The following NTRK3 variants were observed in gnomAD, a reference collection of about 807,000 sequenced individuals.
NTRK3 encodes neurotrophic receptor tyrosine kinase 3.
Under a neutral mutation model 91.7 loss-of-function variants are expected in NTRK3, and 24 were observed. The observed-to-expected ratio is 0.26, with a 90% CI of 0.19 to 0.37. NTRK3 has a LOEUF of 0.37. NTRK3 is among the 10% of genes least tolerant of loss of function. The pLI is 1.00. For missense variants in NTRK3, 880 were observed against 1,068.9 expected (o/e 0.82, Z 2.46); for synonymous variants, 483 against 404.0 (o/e 1.20, Z -2.34).
chr15:88,041,686 C>A (rs1183391448), intron 13 of NTRK3, among the ~76,000 whole-genome samples: 7 of 152,164 alleles, frequency 4.6e-5, no homozygotes, highest in Non-Finnish European at 1.0e-4. Context: ...AAATGCAGCA[C>A]CATTGTTTTA....
intron 3 of NTRK3, among the ~76,000 whole-genome samples, chr15:88,226,784 C>T (rs1447221489): frequency 6.6e-6 from 1 of 152,218 alleles, no homozygotes; most frequent in Admixed American, 6.5e-5. Flanking sequence ...TTGTAGAGAG[C>T]CCTTAGCATT....
At chr15:87,983,774 T>C (rs575497508) in intron 14 of NTRK3, among the ~76,000 whole-genome samples, 38 of 152,258 alleles carry the variant, frequency 2.5e-4, no homozygotes, top group African/African-American at 8.2e-4. Flanking sequence ...GTCAAGATAG[T>C]GATGGTAAGG....
intron 14 of NTRK3, among the ~76,000 whole-genome samples, chr15:87,961,311 G>A (rs1210239895): frequency 6.6e-6 from 1 of 152,200 alleles, no homozygotes; most frequent in Admixed American, 6.5e-5. Flanking sequence ...ATTAAGTTTA[G>A]AGACTATCAT....
chr15:88,108,848 A>C (rs2051000475), intron 13 of NTRK3, among the ~76,000 whole-genome samples: 1 of 152,198 alleles, frequency 6.6e-6, no homozygotes, highest in South Asian at 2.1e-4. Context: ...CCCCAGACCT[A>C]TCAAACCAGA....
chr15:87,957,358 G>A (rs1481396840), intron 14 of NTRK3, among the ~76,000 whole-genome samples: 1 of 150,044 alleles, frequency 6.7e-6, no homozygotes, highest in African/African-American at 2.5e-5. Flanking sequence ...GTCCCACAGC[G>A]GGAGCATCTA....
chr15:88,185,287 A>C (rs553747519), intron 3 of NTRK3, among the ~76,000 whole-genome samples: 85 of 152,308 alleles, frequency 5.6e-4, no homozygotes, highest in Non-Finnish European at 1.1e-3. Context: ...ACCCGTGCTA[A>C]CTCATCCACT....
chr15:87,895,342 A>G (rs1310972098), intron 17 of NTRK3, among the ~76,000 whole-genome samples: 1 of 152,200 alleles, frequency 6.6e-6, no homozygotes, highest in Non-Finnish European at 1.5e-5. Context: ...TGAAGTTTAC[A>G]TTTTGGTTCT....
intron 14 of NTRK3, among the ~76,000 whole-genome samples, chr15:87,993,073 A>T (rs2075411060): frequency 6.6e-6 from 1 of 152,188 alleles, no homozygotes; most frequent in Non-Finnish European, 1.5e-5. Context: ...CTCTGAGGTA[A>T]GGAAAGAAAA....
intron 17 of NTRK3, among the ~76,000 whole-genome samples, chr15:87,903,230 G>C (rs1227710490): frequency 6.6e-6 from 1 of 152,252 alleles, no homozygotes; most frequent in East Asian, 1.9e-4. Flanking sequence ...AGGAGGCGGT[G>C]TCACAATTCT....
intron 14 of NTRK3, among the ~76,000 whole-genome samples, chr15:88,012,662 T>C (rs2076960888): frequency 6.6e-6 from 1 of 152,242 alleles, no homozygotes; most frequent in African/African-American, 2.4e-5. Flanking sequence ...CAATAAATGT[T>C]TACTAAATAA....
At chr15:87,963,984 A>G (rs890353657) in intron 14 of NTRK3, among the ~76,000 whole-genome samples, 1 of 152,246 alleles carries the variant, frequency 6.6e-6, no homozygotes, top group African/African-American at 2.4e-5. Flanking sequence ...ATTTGAGTAC[A>G]TCAATATAAC....
chr15:87,952,626 A>C (rs1422762321), intron 14 of NTRK3, among the ~76,000 whole-genome samples: 1 of 151,844 alleles, frequency 6.6e-6, no homozygotes, highest in Non-Finnish European at 1.5e-5. Context: ...CCCTGTGCGC[A>C]CTCCATTATT....
intron 11 of NTRK3, 80 bp downstream of exon 11, chr15:88,128,631 A>G: frequency 7.0e-7 from 1 of 1,423,714 alleles, no homozygotes; most frequent in Non-Finnish European, 9.9e-7. Context: ...GTGGAATAGG[A>G]GAGAGGGCTA....
chr15:88,120,019 C>A (rs2052532651), intron 13 of NTRK3, among the ~76,000 whole-genome samples: 1 of 152,174 alleles, frequency 6.6e-6, no homozygotes. Context: ...AAATGCCAAC[C>A]TACAGCATCA....
chr15:88,165,206 A>C (rs1318548959), intron 5 of NTRK3, among the ~76,000 whole-genome samples: 3 of 152,194 alleles, frequency 2.0e-5, no homozygotes, highest in Non-Finnish European at 4.4e-5. Context: ...CTCAGGAATA[A>C]TCACTAACAT....
At chr15:88,116,664 A>T (rs1295410684) in intron 13 of NTRK3, among the ~76,000 whole-genome samples, 1 of 152,150 alleles carries the variant, frequency 6.6e-6, no homozygotes, top group Non-Finnish European at 1.5e-5. Flanking sequence ...CCTTGTAACA[A>T]ATGTTGACTC....
intron 5 of NTRK3, among the ~76,000 whole-genome samples, chr15:88,153,464 A>G (rs1020299259): frequency 1.3e-5 from 2 of 152,114 alleles, no homozygotes; most frequent in African/African-American, 4.8e-5. Flanking sequence ...CATGTTGGTC[A>G]GGCTGGTCTC....
At chr15:88,211,397 A>T (rs573544685) in intron 3 of NTRK3, among the ~76,000 whole-genome samples, 3 of 152,332 alleles carry the variant, frequency 2.0e-5, no homozygotes, top group Non-Finnish European at 2.9e-5. Context: ...CCACATGTTT[A>T]TTCATTCATC....
intron 17 of NTRK3, among the ~76,000 whole-genome samples, chr15:87,883,753 A>T (rs78450151): frequency 1.0e-3 from 156 of 151,556 alleles, no homozygotes; most frequent in African/African-American, 3.7e-3. Flanking sequence ...ATAATAAAAT[A>T]AAAGTTAACA....
Sources: gnomAD v4.1 joint callset for allele counts (sites outside exome capture counted in the v4.1 genomes callset) on GRCh38, gnomAD v4.1.1 for gene constraint, MANE v1.5 for transcripts, NCBI Gene and HGNC (gene_info 2026-07-23, HGNC 2026-07-21) for gene names.